The following FBXO21 variants were observed in gnomAD, a reference collection of about 807,000 sequenced individuals.
The protein encoded by FBXO21 is F-box only protein 21.
In FBXO21, 32 loss-of-function variants were observed where a neutral mutation model predicts 76.6. That is an observed-to-expected ratio of 0.42 (90% CI 0.32 to 0.56). The LOEUF (loss-of-function observed/expected upper bound fraction) is 0.56. Among genes scored for constraint, FBXO21 ranks in the 20% least tolerant of loss-of-function variants. The pLI, the probability that FBXO21 is intolerant of heterozygous loss-of-function variation, is 0.16. For synonymous variants in FBXO21, 328 were observed against 311.5 expected, an observed-to-expected ratio of 1.05 and a Z score of -0.56; for missense variants, 586 against 797.3, an observed-to-expected ratio of 0.73 and a Z score of 3.19.
At chr12:117,175,298 C>A (rs1218830594) in intron 4 of FBXO21, among the ~76,000 whole-genome samples, 2 of 152,226 alleles carry the variant, frequency 1.3e-5, no homozygotes, top group African/African-American at 4.8e-5. Context: ...TAAATGGATT[C>A]TGGAGCTAAC....
rs1956060356 is a variant in FBXO21, at chr12:117,166,983, G to A, written c.1108C>T (p.His370Tyr). 6.2e-7 allele frequency: 1 copy of A among 1,614,048 alleles called. No individual in the cohort carries two copies. Among genetic ancestry groups the A allele is most frequent in the Non-Finnish European group, 8.5e-7 (1 of 1,179,940 alleles). ...ACCCCATACAGTGCTGCAGTCACGT[G>A]CTGGCCGATCAAGTACTCGCATTCT... ...VKECEYLIGQ[H>Y]VTAALYGVVN... Residue 370 changes from histidine to tyrosine, a missense_variant, in exon 8 of 12, where the codon CAC becomes TAC. By Grantham distance (83) the His-to-Tyr change is moderately conservative (BLOSUM62 2). Coordinates refer to ENST00000622495, the MANE Select transcript of FBXO21 (RefSeq NM_015002.3).
chr12:117,178,933 T>A (rs1956202794), intron 3 of FBXO21, among the ~76,000 whole-genome samples: 1 of 152,180 alleles, frequency 6.6e-6, no homozygotes. Context: ...CACTGCTGTA[T>A]CCCTAGTGCC....
chr12:117,158,669 C>T (rs1955944413), intron 9 of FBXO21, among the ~76,000 whole-genome samples: 1 of 152,138 alleles, frequency 6.6e-6, no homozygotes, highest in African/African-American at 2.4e-5. Context: ...GAGGGAGCCA[C>T]GTATATCAGA....
At chr12:117,165,434 T>TA in intron 9 of FBXO21, 51 bp downstream of exon 9, 1 of 1,579,468 alleles carries the variant, frequency 6.3e-7, no homozygotes, top group Non-Finnish European at 8.6e-7. Flanking sequence ...CCCTTCAATC[T>TA]AGGACTTCCC....
chr12:117,173,036 ATT>A (rs1395205768), intron 6 of FBXO21, among the ~76,000 whole-genome samples: 10 of 143,826 alleles, frequency 7.0e-5, no homozygotes, highest in Admixed American at 1.4e-4. Context: ...TGCTGAAATA[ATT>A]TTTTTTTTTT....
chr12:117,151,200 AGACTCGGAGCTTCC>A (rs541528752), intron 11 of FBXO21, among the ~76,000 whole-genome samples: 19 of 152,242 alleles, frequency 1.2e-4, no homozygotes, highest in African/African-American at 4.6e-4. Flanking sequence ...CGGCTGACCT[AGACTCGGAGCTTCC>A]GAGAAGTCCA....
intron 3 of FBXO21, among the ~76,000 whole-genome samples, chr12:117,184,556 C>T (rs191222789): frequency 8.9e-4 from 135 of 152,256 alleles, no homozygotes; most frequent in African/African-American, 3.1e-3. Flanking sequence ...GAGTTTGAGA[C>T]CAGCCTGACC....
intron 9 of FBXO21, among the ~76,000 whole-genome samples, chr12:117,164,400 C>T (rs1367172650): frequency 1.3e-5 from 2 of 151,900 alleles, no homozygotes; most frequent in Non-Finnish European, 2.9e-5. Flanking sequence ...CCTCAGCCTC[C>T]TGAGTAGCTG....
chr12:117,156,624 G>C (rs1407433715), intron 10 of FBXO21, among the ~76,000 whole-genome samples: 1 of 152,220 alleles, frequency 6.6e-6, no homozygotes, highest in African/African-American at 2.4e-5. Context: ...GGAAGGTCTG[G>C]AGGGTGCAGG....
chr12:117,168,155 C>T (rs1446477203), intron 7 of FBXO21, among the ~76,000 whole-genome samples: 2 of 152,142 alleles, frequency 1.3e-5, no homozygotes, highest in Non-Finnish European at 2.9e-5. Context: ...CACTACAAAT[C>T]GTAGCATATT....
At chr12:117,181,669 A>C (rs1238047927) in intron 3 of FBXO21, among the ~76,000 whole-genome samples, 1 of 151,736 alleles carries the variant, frequency 6.6e-6, no homozygotes, top group Non-Finnish European at 1.5e-5. Context: ...TATCTATCTG[A>C]GACAGAGTCT....
At chr12:117,188,507 T>C (rs1049500419) in intron 2 of FBXO21, among the ~76,000 whole-genome samples, 3 of 151,486 alleles carry the variant, frequency 2.0e-5, no homozygotes, top group Non-Finnish European at 4.4e-5. Flanking sequence ...ATTGCGCCAC[T>C]GCACTCCAGC....
intron 2 of FBXO21, chr12:117,188,952 A>G: frequency 2.7e-6 from 1 of 375,038 alleles, no homozygotes; most frequent in Admixed American, 4.0e-5. Flanking sequence ...GCTGATCTGG[A>G]CTCCGTCTAC....
intron 11 of FBXO21, among the ~76,000 whole-genome samples, chr12:117,150,871 CTGTG>C (rs372253197): frequency 3.2e-4 from 41 of 127,696 alleles, no homozygotes; most frequent in African/African-American, 4.5e-4. Flanking sequence ...TGGCCATGGA[CTGTG>C]TGTGTGTGTG....
At chr12:117,179,285 G>A (rs530688863) in intron 3 of FBXO21, among the ~76,000 whole-genome samples, 3 of 152,274 alleles carry the variant, frequency 2.0e-5, no homozygotes, top group South Asian at 2.1e-4. Context: ...CTTTGCAAAC[G>A]GCCAAGAAGC....
intron 3 of FBXO21, among the ~76,000 whole-genome samples, chr12:117,179,386 C>T (rs1221955555): frequency 2.0e-5 from 3 of 152,196 alleles, no homozygotes; most frequent in East Asian, 3.9e-4. Context: ...ATGAAATATA[C>T]ATCCCTAAAC....
At chr12:117,175,030 A>C (rs1566004928) in intron 4 of FBXO21, among the ~76,000 whole-genome samples, 1 of 152,180 alleles carries the variant, frequency 6.6e-6, no homozygotes, top group Non-Finnish European at 1.5e-5. Flanking sequence ...CTTCTCTCAG[A>C]AGTCATGGAC....
chr12:117,158,337 T>G (rs1215241935), intron 9 of FBXO21, among the ~76,000 whole-genome samples: 3 of 152,050 alleles, frequency 2.0e-5, no homozygotes, highest in African/African-American at 7.2e-5. Context: ...GAGGAGTTCT[T>G]TGGAAACCAG....
At chr12:117,180,960 C>A (rs1956222796) in intron 3 of FBXO21, among the ~76,000 whole-genome samples, 1 of 152,116 alleles carries the variant, frequency 6.6e-6, no homozygotes, top group East Asian at 1.9e-4. Context: ...ATATGTTCTC[C>A]CCCACTGTCC....
Sources: allele counts gnomAD v4.1 joint callset (sites outside exome capture counted in the v4.1 genomes callset), GRCh38; gene constraint gnomAD v4.1.1; transcripts MANE v1.5; gene names NCBI Gene and HGNC (gene_info 2026-07-23, HGNC 2026-07-21).